EEA1: variants seen among roughly 807,000 people sequenced by gnomAD.
EEA1 encodes early endosome antigen 1, also known as early endosome antigen 1, 162kD.
In EEA1, 111 loss-of-function variants were observed where a neutral mutation model predicts 209.2. The ratio of observed to expected loss-of-function variants is 0.53; its 90% CI spans 0.45 to 0.62. The LOEUF is 0.62. Among genes scored for constraint, EEA1 ranks in the 20% least tolerant of loss-of-function variants. The probability of loss-of-function intolerance (pLI) is 0.00; values close to 1 mark genes in which losing one functional copy is unlikely to be tolerated. For missense variants in EEA1, 1,343 were observed against 1,530.8 expected (o/e 0.88, Z 2.05); for synonymous variants, 536 against 540.6 (o/e 0.99, Z 0.12).
intron 5 of EEA1, among the ~76,000 whole-genome samples, chr12:92,856,388 CT>C (rs1877879426): frequency 1.3e-5 from 2 of 152,134 alleles, no homozygotes. Context: ...AAGAGAACCA[CT>C]TTTGATACTG....
chr12:92,797,308 G>A (rs796792635), intron 21 of EEA1, among the ~76,000 whole-genome samples: 65 of 152,206 alleles, frequency 4.3e-4, no homozygotes, highest in African/African-American at 1.5e-3. Flanking sequence ...GGCTGGTCTC[G>A]AACTCCTGAC....
At chr12:92,855,531 A>G (rs1301860641) in intron 5 of EEA1, among the ~76,000 whole-genome samples, 2 of 151,676 alleles carry the variant, frequency 1.3e-5, no homozygotes, top group African/African-American at 4.8e-5. Flanking sequence ...CTTTAAAAGA[A>G]GCAGAAATAA....
intron 13 of EEA1, chr12:92,820,928 C>G (rs2136682640): frequency 6.6e-6 from 1 of 152,180 alleles, no homozygotes; most frequent in East Asian, 1.9e-4. Context: ...GGAGGGTTAC[C>G]TTTTCCTGGT....
At chr12:92,902,356 A>G (rs1880180343) in intron 1 of EEA1, among the ~76,000 whole-genome samples, 1 of 152,238 alleles carries the variant, frequency 6.6e-6, no homozygotes, top group Non-Finnish European at 1.5e-5. Context: ...AACGCCCTGG[A>G]TGCGCAAGGT....
At chr12:92,789,818 C>T (rs1874315158) in intron 21 of EEA1, among the ~76,000 whole-genome samples, 1 of 152,242 alleles carries the variant, frequency 6.6e-6, no homozygotes, top group Non-Finnish European at 1.5e-5. Flanking sequence ...ACTGCATCCT[C>T]AAGTGGGTCC....
intron 21 of EEA1, among the ~76,000 whole-genome samples, chr12:92,796,223 T>C (rs144282217): frequency 2.6e-5 from 4 of 152,258 alleles, no homozygotes; most frequent in African/African-American, 9.6e-5. Flanking sequence ...TCACTTTATA[T>C]TTCCACATTA....
chr12:92,777,637 T>A lies in EEA1; in HGVS notation c.3920A>T (p.Glu1307Val). The A allele has an allele frequency of 6.2e-7, 1 of 1,612,064 alleles. No individual in the cohort carries two copies. Among genetic ancestry groups the A allele is most frequent in the Non-Finnish European group, 8.5e-7 (1 of 1,178,798 alleles). Residue 1307 changes from glutamate (E) to valine (V), a missense_variant, in exon 27 of 29, where the codon GAA becomes GTA. By Grantham distance (121) the Glu-to-Val change is moderately radical. This residue lies in a region of EEA1 where 1,307 missense variants were observed against 1,465.5 expected (regional missense o/e 0.89). Coordinates refer to ENST00000322349, the MANE Select transcript of EEA1 (RefSeq NM_003566.4). ...TTCTAATACTTTGGTTTGAAGCTTT[T>A]CTATTTCACCTTCTCCTTTAAGACA... The part of the protein sequence containing the change: ...ERCLKGEGEI[E>V]KLQTKVLELQ...
rs1277826733 is a variant in EEA1, at chr12:92,772,498, C to G, written c.*3513G>C. On this transcript the variant is annotated 3_prime_UTR_variant, in exon 29 of 29. Transcript: ENST00000322349. ...TGTTAGACAAAACAATTTATAGTCA[C>G]AGAATACAACTAGTTTAGAAAGAAA... The G allele has an allele frequency of 6.6e-6, 1 of 151,654 alleles. No homozygotes were observed. Among genetic ancestry groups the G allele is most frequent in the Non-Finnish European group, 1.5e-5 (1 of 67,750 alleles). 9.4% of individuals were successfully genotyped at this position (151,654 alleles called of 1,614,324 possible).
chr12:92,921,144 G>A (rs973318280), intron 1 of EEA1, among the ~76,000 whole-genome samples: 1 of 151,354 alleles, frequency 6.6e-6, no homozygotes, highest in African/African-American at 2.4e-5. Flanking sequence ...CTTTTACATT[G>A]TTGGTGGGAC....
intron 22 of EEA1, among the ~76,000 whole-genome samples, chr12:92,785,309 G>T (rs2136653151): frequency 6.6e-6 from 1 of 152,212 alleles, no homozygotes; most frequent in East Asian, 1.9e-4. Flanking sequence ...ATCAGGCCAG[G>T]CTACCTTCCA....
chr12:92,901,115 A>G (rs921635214), intron 1 of EEA1, among the ~76,000 whole-genome samples: 16 of 152,204 alleles, frequency 1.1e-4, no homozygotes, highest in African/African-American at 3.6e-4. Flanking sequence ...AAAGAACTGT[A>G]TTTTCCTCAT....
intron 3 of EEA1, among the ~76,000 whole-genome samples, chr12:92,863,583 C>T (rs971440334): frequency 1.3e-5 from 2 of 152,240 alleles, no homozygotes; most frequent in African/African-American, 4.8e-5. Context: ...CAGTCTCCCT[C>T]ACTTAAAGCA....
At chr12:92,790,052 A>C (rs1874326885) in intron 21 of EEA1, among the ~76,000 whole-genome samples, 1 of 152,260 alleles carries the variant, frequency 6.6e-6, no homozygotes, top group Admixed American at 6.5e-5. Context: ...ACCTGTTAGA[A>C]GGAAAACTAA....
chr12:92,779,866 A>AACAG (rs143551866), intron 24 of EEA1, among the ~76,000 whole-genome samples: 12,946 of 152,170 alleles, frequency 0.085, 626 homozygotes, highest in Non-Finnish European at 0.098. Flanking sequence ...CTATGCTTAT[A>AACAG]ACAGGTAAAA....
At chr12:92,921,881 A>AG (rs1309383158) in intron 1 of EEA1, among the ~76,000 whole-genome samples, 3 of 146,130 alleles carry the variant, frequency 2.1e-5, no homozygotes, top group Admixed American at 6.7e-5. Flanking sequence ...AAAAAAAAAA[A>AG]AAAAAGAAAA....
At chr12:92,793,575 G>C (rs1406092513) in intron 21 of EEA1, among the ~76,000 whole-genome samples, 1 of 152,046 alleles carries the variant, frequency 6.6e-6, no homozygotes, top group Non-Finnish European at 1.5e-5. Context: ...AACTTACAAG[G>C]GATGTGAAGG....
Position 92,776,144 on chromosome 12 carries a change from C to T in EEA1, c.4114-11G>A. ...CTGTCGGCAGTGATGCTGTAAATGA[C>T]AAAAATTAAACAATTTCAAGAATAA... On this transcript the variant is annotated splice_polypyrimidine_tract_variant and intron_variant, in intron 28 of 28. Coordinates refer to ENST00000322349, the MANE Select transcript of EEA1 (RefSeq NM_003566.4). The T allele has an allele frequency of 6.3e-7, 1 of 1,594,456 alleles. No individual in the cohort carries two copies. Among genetic ancestry groups the T allele is most frequent in the Non-Finnish European group, 8.5e-7 (1 of 1,170,268 alleles).
intron 2 of EEA1, among the ~76,000 whole-genome samples, chr12:92,876,427 GATAA>G (rs1878889917): frequency 6.6e-6 from 1 of 152,006 alleles, no homozygotes; most frequent in Admixed American, 6.6e-5. Flanking sequence ...GCTCCACCAG[GATAA>G]ATACTTTTTA....
intron 10 of EEA1, among the ~76,000 whole-genome samples, chr12:92,841,610 C>T (rs1877164895): frequency 6.6e-6 from 1 of 152,094 alleles, no homozygotes. Flanking sequence ...ATATGGCCAG[C>T]AAGCACATTA....
Sources: gnomAD v4.1 joint callset for allele counts (sites outside exome capture counted in the v4.1 genomes callset) on GRCh38, gnomAD v4.1.1 for gene constraint, gnomAD v4.1.1 regional missense constraint, MANE v1.5 for transcripts, NCBI Gene and HGNC (gene_info 2026-07-23, HGNC 2026-07-21) for gene names.